Variants in NAV1 observed in about 807,000 individuals in gnomAD.
NAV1 encodes the protein neuron navigator 1, also known as pore membrane and/or filament interacting like protein 3.
Under a neutral mutation model 175.2 loss-of-function variants are expected in NAV1, and 18 were observed. The observed-to-expected ratio is 0.10, with a 90% CI of 0.07 to 0.15. NAV1 has a LOEUF of 0.15. NAV1 is among the 10% of genes least tolerant of loss of function. NAV1 has a pLI of 1.00. For missense variants in NAV1, 1,731 were observed against 2,436.6 expected (o/e 0.71, Z 6.10); for synonymous variants, 897 against 978.7 (o/e 0.92, Z 1.56).
intron 2 of NAV1, among the ~76,000 whole-genome samples, chr1:201,716,111 T>A (rs965359819): frequency 1.3e-5 from 2 of 152,192 alleles, no homozygotes; most frequent in Non-Finnish European, 2.9e-5. Flanking sequence ...GGAACCCAGA[T>A]GCTGAGTGCA....
At chr1:201,633,951 C>T (rs1307715196) in intron 2 of NAV1, among the ~76,000 whole-genome samples, 4 of 152,130 alleles carry the variant, frequency 2.6e-5, no homozygotes, top group Non-Finnish European at 4.4e-5. Flanking sequence ...GGAACTGGGA[C>T]GGGAGGTCAT....
chr1:201,576,243 T>G (rs1666687210), intron 1 of NAV1, among the ~76,000 whole-genome samples: 1 of 152,254 alleles, frequency 6.6e-6, no homozygotes, highest in Non-Finnish European at 1.5e-5. Flanking sequence ...AAGAATGTTA[T>G]ATGAATGGAA....
chr1:201,788,764 C>T lies in NAV1; in HGVS notation c.3166+126C>T, dbSNP rs1171625069. 8.2e-7 allele frequency: 1 copy of T among 1,219,836 alleles called. No homozygotes were observed. The highest frequency in any genetic ancestry group is 1.1e-6 in the Non-Finnish European group (1 of 888,788). 75.6% of individuals were successfully genotyped at this position (1,219,836 alleles called of 1,614,324 possible). On this transcript the variant is annotated intron_variant, in intron 10 of 29. Transcript: ENST00000367296. This position sits in a 1 kb window ranked among gnomAD's most constrained non-coding sequence, Gnocchi z 5.7. ...TGATTCACAGAACATCAAGTTGGGCCATTTCAGTTTTTTCTCCCCATCCCT... is the reference window on the plus strand; with the variant it reads ...TGATTCACAGAACATCAAGTTGGGCTATTTCAGTTTTTTCTCCCCATCCCT...
intron 15 of NAV1, 72 bp from the exon 20 acceptor site, chr1:201,803,521 A>G: frequency 6.5e-7 from 1 of 1,529,422 alleles, no homozygotes; most frequent in Admixed American, 2.0e-5. Context: ...ATCTTCTGCC[A>G]CTAGACTTGC....
At chr1:201,809,140 G>A in intron 20 of NAV1, 24 bp from the exon 25 acceptor site, 1 of 1,609,770 alleles carries the variant, frequency 6.2e-7, no homozygotes, top group South Asian at 1.1e-5. Context: ...CCTAAAACCA[G>A]TTGGTTCTTT....
chr1:201,667,828 G>T (rs903733038), intron 1 of NAV1, among the ~76,000 whole-genome samples: 1 of 152,198 alleles, frequency 6.6e-6, no homozygotes, highest in African/African-American at 2.4e-5. Flanking sequence ...GGTGGTCAGA[G>T]CTGCTTTCTA....
chr1:201,698,796 G>T (rs1041970552), intron 1 of NAV1, among the ~76,000 whole-genome samples: 2 of 152,218 alleles, frequency 1.3e-5, no homozygotes, highest in African/African-American at 4.8e-5. Flanking sequence ...GGGCTGCACA[G>T]GAGTGGGAGT....
chr1:201,719,785 T>A (rs1672295280), intron 3 of NAV1, among the ~76,000 whole-genome samples: 1 of 152,062 alleles, frequency 6.6e-6, no homozygotes, highest in African/African-American at 2.4e-5. Flanking sequence ...CCCTTCCTTC[T>A]CAGGGACTTA....
intron 8 of NAV1, among the ~76,000 whole-genome samples, chr1:201,785,636 G>A (rs915671448): frequency 1.3e-5 from 2 of 152,018 alleles, no homozygotes; most frequent in Non-Finnish European, 2.9e-5. Context: ...CCCAATCCTG[G>A]CTGAGCTTCA....
chr1:201,697,513 C>T (rs974594801), intron 1 of NAV1, among the ~76,000 whole-genome samples: 2 of 152,218 alleles, frequency 1.3e-5, no homozygotes, highest in Non-Finnish European at 2.9e-5. Context: ...TCCTCTTTAT[C>T]CTCAAGCCTG....
chr1:201,664,966 G>A (rs932899086), intron 1 of NAV1, among the ~76,000 whole-genome samples: 1 of 152,210 alleles, frequency 6.6e-6, no homozygotes, highest in African/African-American at 2.4e-5. Context: ...GGTCCTGCCT[G>A]TGTGTGCCAA....
chr1:201,768,062 T>C (rs927611910), intron 3 of NAV1, among the ~76,000 whole-genome samples: 7 of 152,196 alleles, frequency 4.6e-5, no homozygotes, highest in Admixed American at 6.5e-5. Context: ...TGGTGGCTTA[T>C]GCCTGTAATC....
intron 2 of NAV1, among the ~76,000 whole-genome samples, chr1:201,600,771 G>A (rs1201380211): frequency 2.0e-5 from 3 of 152,136 alleles, no homozygotes; most frequent in Non-Finnish European, 4.4e-5. Context: ...AAAGAGCAAA[G>A]GACTCTCCTG....
At chr1:201,649,081 C>A (rs1478965449) in exon 1 of NAV1, 3 of 1,613,230 alleles carry the variant, frequency 1.9e-6, no homozygotes, top group Non-Finnish European at 2.5e-6. Context: ...ATGTCCAAGA[C>A]GCTGTCCAAG....
chr1:201,623,065 G>C, exon 1 of NAV1: 2 of 985,932 alleles, frequency 2.0e-6, no homozygotes, highest in Non-Finnish European at 2.4e-6. Flanking sequence ...ACTGGGAAAG[G>C]CTGCAGGTCC....
At chr1:201,815,627 C>T (rs1449611327) in intron 28 of NAV1, among the ~76,000 whole-genome samples, 1 of 152,052 alleles carries the variant, frequency 6.6e-6, no homozygotes, top group African/African-American at 2.4e-5. Flanking sequence ...TCAAAGGATA[C>T]AAAATTTCAG....
chr1:201,764,547 C>T (rs1035831312), intron 3 of NAV1, among the ~76,000 whole-genome samples: 1 of 152,178 alleles, frequency 6.6e-6, no homozygotes, highest in Non-Finnish European at 1.5e-5. Context: ...TCCCTGAACG[C>T]CCCATCTCCA....
At chr1:201,540,083 T>C (rs1265419754) in intron 1 of NAV1, among the ~76,000 whole-genome samples, 1 of 152,014 alleles carries the variant, frequency 6.6e-6, no homozygotes, top group East Asian at 1.9e-4. Flanking sequence ...AAACTGGTCA[T>C]AGGATAAAGA....
chr1:201,735,184 A>G (rs554785420), intron 3 of NAV1, among the ~76,000 whole-genome samples: 3 of 152,244 alleles, frequency 2.0e-5, no homozygotes, highest in African/African-American at 7.2e-5. Flanking sequence ...TCTGAGCCCC[A>G]CACCAGGGAG....
Sources: allele counts gnomAD v4.1 joint callset (sites outside exome capture counted in the v4.1 genomes callset), GRCh38; gene constraint gnomAD v4.1.1; non-coding constraint Gnocchi (gnomAD v3.1); transcripts MANE v1.5; gene names NCBI Gene and HGNC (gene_info 2026-07-23, HGNC 2026-07-21).